Variants in SLC17A2 observed in about 807,000 individuals in gnomAD.
The protein encoded by SLC17A2 is sodium-dependent phosphate transport protein 3.
Under a neutral mutation model 52.1 loss-of-function variants are expected in SLC17A2, and 38 were observed. That is an observed-to-expected ratio of 0.73 (90% confidence interval 0.56 to 0.96). The LOEUF (loss-of-function observed/expected upper bound fraction) is 0.96, where lower values mean the gene tolerates loss of function less well. SLC17A2 is among the 40% of genes least tolerant of loss of function. SLC17A2 has a pLI of 0.00. For missense variants in SLC17A2, 508 were observed against 583.9 expected, an observed-to-expected ratio of 0.87 and a Z score of 1.34; for synonymous variants, 226 against 211.9, an observed-to-expected ratio of 1.07 and a Z score of -0.58.
rs1311479696 is a variant in SLC17A2, at chr6:25,918,484, C to A, written c.649+3G>T. The A allele has an allele frequency of 1.2e-6, 2 of 1,606,204 alleles. No homozygotes were observed. Among genetic ancestry groups the A allele is most frequent in the Non-Finnish European group, 1.7e-6 (2 of 1,172,998 alleles). ...CGTTAGGATTTAAGAGAAAGTGACT[C>A]ACCAAAGATGTAGAAGATAAAAGGC... is the stretch of plus-strand genomic sequence containing the variant. On this transcript the variant is annotated splice_donor_region_variant and intron_variant, in intron 6 of 11. Transcript: ENST00000377850.
At chr6:25,914,712 C>CTGT in intron 10 of SLC17A2, 42 bp from the exon 11 acceptor site, 1 of 1,253,062 alleles carries the variant, frequency 8.0e-7, no homozygotes, top group Non-Finnish European at 1.2e-6. Flanking sequence ...TATAGAAAGC[C>CTGT]ACCTACAGCT....
chr6:25,913,414 G>A lies in SLC17A2; in HGVS notation c.1340C>T (p.Ser447Phe). Residue 447 changes from serine to phenylalanine, a missense_variant, in exon 12 of 12, where the codon TCT (serine) becomes TTT (phenylalanine). By Grantham distance (155) the Ser-to-Phe change is radical. Transcript: ENST00000377850. ...ESGWRNVFFL[S>F]AAVNMFGLVF... is the part of the protein sequence containing the mutation. ...CAGGCCAAACATGTTGACTGCAGCAGACAGGAAAAAGACATTCCTCCAACC... is the reference window on the plus strand; with the variant it reads ...CAGGCCAAACATGTTGACTGCAGCAAACAGGAAAAAGACATTCCTCCAACC... 6.2e-7 allele frequency: 1 copy of A among 1,614,004 alleles called. No individual in the cohort carries two copies.
intron 5 of SLC17A2, among the ~76,000 whole-genome samples, chr6:25,918,969 A>G (rs1344452060): frequency 6.6e-6 from 1 of 152,234 alleles, no homozygotes; most frequent in African/African-American, 2.4e-5. Context: ...CCCTGCCCTC[A>G]AAGAGCTTCT....
Position 25,928,132 on chromosome 6 carries a change from G to T in SLC17A2, c.-84+2145C>A, listed in dbSNP as rs142261293. Among the ~76,000 whole-genome samples, 98 of 152,076 alleles carry T rather than the reference G, an allele frequency of 6.4e-4. 2 individuals carry two copies. In the East Asian group the frequency reaches 0.017, roughly 26 times the overall value. On this transcript the variant is annotated intron_variant, in intron 1 of 11. Coordinates refer to ENST00000377850, the MANE Select transcript of SLC17A2 (RefSeq NM_001286123.3). ...TTATTTTATTGATAAGAAAATTTGCGTAGAAAATTTGAAAAGTTGCCTGAA... is the reference window on the plus strand; with the variant it reads ...TTATTTTATTGATAAGAAAATTTGCTTAGAAAATTTGAAAAGTTGCCTGAA...
chr6:25,917,182 T>G, intron 6 of SLC17A2, 95 bp from the exon 7 acceptor site: 1 of 803,996 alleles, frequency 1.2e-6, no homozygotes, highest in Non-Finnish European at 2.2e-6. Flanking sequence ...TTCTACACAC[T>G]AATCAATTAA....
intron 5 of SLC17A2, 121 bp from the exon 6 acceptor site, chr6:25,918,694 T>A: frequency 1.6e-6 from 1 of 638,904 alleles, no homozygotes; most frequent in South Asian, 1.9e-5. Flanking sequence ...ATGAGAGTAT[T>A]TATTTCTAAA....
At chr6:25,923,992 C>A in intron 2 of SLC17A2, 86 bp from the exon 3 acceptor site, 1 of 1,032,926 alleles carries the variant, frequency 9.7e-7, no homozygotes. Context: ...TCTGATAGAA[C>A]TTTGGATGAC....
intron 2 of SLC17A2, 106 bp downstream of exon 2, chr6:25,925,663 C>T: frequency 3.8e-6 from 4 of 1,043,516 alleles, no homozygotes; most frequent in Non-Finnish European, 6.1e-6. Context: ...CAATGTTACA[C>T]TGGGAGTATC....
At chr6:25,927,211 G>T (rs1766799907) in intron 1 of SLC17A2, among the ~76,000 whole-genome samples, 1 of 152,216 alleles carries the variant, frequency 6.6e-6, no homozygotes, top group African/African-American at 2.4e-5. Flanking sequence ...GGATTATAAA[G>T]AAAGGCATAG....
At chr6:25,923,129 G>A (rs1766621379) in intron 3 of SLC17A2, among the ~76,000 whole-genome samples, 1 of 152,200 alleles carries the variant, frequency 6.6e-6, no homozygotes, top group Non-Finnish European at 1.5e-5. Flanking sequence ...GGAGGCTGCA[G>A]TGAGCTGAGA....
At chr6:25,922,383 A>T (rs1413317637) in intron 3 of SLC17A2, among the ~76,000 whole-genome samples, 1 of 152,266 alleles carries the variant, frequency 6.6e-6, no homozygotes, top group African/African-American at 2.4e-5. Flanking sequence ...GTGAACTTGT[A>T]GCATTTGGAA....
At position 25,925,784 on chromosome 6, in the gene SLC17A2, G is replaced by T. The variant is rs1234876221; in HGVS notation, c.13C>A (p.Pro5Thr). ...GTGGCTTTACCTTTCCTGGTGGCAG[G>T]CTTCCCGTCCATTTAGCTTCTGTGG... is the stretch of plus-strand genomic sequence containing the variant. MDGKPATRKGPDFCS... is the reference protein window; with the variant it reads MDGKTATRKGPDFCS... The change falls in exon 2 of 12, where the codon CCT becomes ACT. Residue 5 changes from proline (P) to threonine (T), a missense_variant. Pro to Thr is a conservative substitution (Grantham distance 38, BLOSUM62 -1). Coordinates refer to ENST00000377850, the MANE Select transcript of SLC17A2 (RefSeq NM_001286123.3). The T allele has an allele frequency of 1.2e-6, 2 of 1,614,128 alleles. No individual in the cohort carries two copies. The highest frequency in any genetic ancestry group is 8.5e-7 in the Non-Finnish European group (1 of 1,179,974).
At chr6:25,930,155 A>G (rs1473928764) in intron 1 of SLC17A2, 122 bp downstream of exon 1, 1 of 152,244 alleles carries the variant, frequency 6.6e-6, no homozygotes, top group Non-Finnish European at 1.5e-5. Context: ...TCAAATTCAT[A>G]TAGAAGTCTG....
At chr6:25,923,341 G>A (rs933315667) in intron 3 of SLC17A2, among the ~76,000 whole-genome samples, 1 of 152,102 alleles carries the variant, frequency 6.6e-6, no homozygotes, top group African/African-American at 2.4e-5. Context: ...GAATTTACAG[G>A]GATATAAAAT....
intron 5 of SLC17A2, among the ~76,000 whole-genome samples, chr6:25,920,179 G>A (rs980419316): frequency 1.3e-5 from 2 of 152,202 alleles, no homozygotes; most frequent in African/African-American, 4.8e-5. Context: ...AAGAACGCAG[G>A]AGGGTTGCTT....
intron 11 of SLC17A2, among the ~76,000 whole-genome samples, chr6:25,913,802 G>A (rs1411534702): frequency 7.0e-6 from 1 of 143,200 alleles, no homozygotes; most frequent in African/African-American, 2.6e-5. Context: ...GTTGCTGTTT[G>A]TTTTGTTTTT....
At chr6:25,914,436 G>T in intron 11 of SLC17A2, 144 bp downstream of exon 11, 1 of 620,088 alleles carries the variant, frequency 1.6e-6, no homozygotes, top group Non-Finnish European at 2.9e-6. Context: ...CTTCCTCTGG[G>T]AAATCTGACC....
Position 25,913,432 on chromosome 6 carries a change from C to T in SLC17A2, c.1322G>A (p.Arg441Lys). 2 of 1,614,010 alleles carry T rather than the reference C, an allele frequency of 1.2e-6. No individual in the cohort carries two copies. Among genetic ancestry groups the T allele is most frequent in the African/African-American group, 1.3e-5 (1 of 75,016 alleles). Residue 441 changes from arginine to lysine, a missense_variant, in exon 12 of 12, where the codon AGG becomes AAG. Coordinates refer to ENST00000377850, the MANE Select transcript of SLC17A2 (RefSeq NM_001286123.3). ...LISQDFESGW[R>K]NVFFLSAAVN... ...TGCAGCAGACAGGAAAAAGACATTC[C>T]TCCAACCAGACTCAAAATCCTAGAT...
chr6:25,916,124 A>G (rs1257908747), intron 8 of SLC17A2, among the ~76,000 whole-genome samples: 3 of 152,190 alleles, frequency 2.0e-5, no homozygotes, highest in Non-Finnish European at 4.4e-5. Flanking sequence ...TCTGTCGCCC[A>G]GGCTGGAGTG....
Sources: allele counts gnomAD v4.1 joint callset (sites outside exome capture counted in the v4.1 genomes callset), GRCh38; gene constraint gnomAD v4.1.1; transcripts MANE v1.5; gene names NCBI Gene and HGNC (gene_info 2026-07-23, HGNC 2026-07-21).